ADAMTS16: variants seen among roughly 807,000 people sequenced by gnomAD.
ADAMTS16 encodes the protein ADAM metallopeptidase with thrombospondin type 1 motif 16, also known as A disintegrin and metalloproteinase with thrombospondin motifs 16.
A neutral mutation model predicts 145.8 loss-of-function variants in ADAMTS16; 94 were observed. The observed-to-expected ratio is 0.64, with a 90% CI of 0.55 to 0.77. The LOEUF is 0.77. ADAMTS16 is among the 30% of genes least tolerant of loss of function. The pLI, the probability that ADAMTS16 is intolerant of heterozygous loss-of-function variation, is 0.00. For missense variants in ADAMTS16, 1,585 were observed against 1,591.5 expected, an observed-to-expected ratio of 1.00 and a Z score of 0.07; for synonymous variants, 659 against 604.3, an observed-to-expected ratio of 1.09 and a Z score of -1.33.
At chr5:5,282,606 C>G (rs1429804071) in intron 18 of ADAMTS16, among the ~76,000 whole-genome samples, 1 of 152,190 alleles carries the variant, frequency 6.6e-6, no homozygotes, top group African/African-American at 2.4e-5. Flanking sequence ...AGCTTACTCC[C>G]CAACAGGGAA....
intron 18 of ADAMTS16, among the ~76,000 whole-genome samples, chr5:5,263,530 A>T (rs1738112551): frequency 6.6e-6 from 1 of 152,188 alleles, no homozygotes; most frequent in Non-Finnish European, 1.5e-5. Flanking sequence ...TGGCCTCCTG[A>T]ACTCAGCCCC....
intron 3 of ADAMTS16, among the ~76,000 whole-genome samples, chr5:5,154,447 T>C (rs1396665880): frequency 6.6e-6 from 1 of 152,242 alleles, no homozygotes; most frequent in Non-Finnish European, 1.5e-5. Flanking sequence ...TTTCATTAGA[T>C]CAAATAATAT....
At chr5:5,209,318 G>C in intron 10 of ADAMTS16, 72 bp downstream of exon 10, 3 of 1,551,102 alleles carry the variant, frequency 1.9e-6, no homozygotes, top group Non-Finnish European at 2.6e-6. Context: ...AACTGATGTT[G>C]ATATATTCTG....
In ADAMTS16 at chr5:5,186,139, C is replaced by T; in HGVS notation, c.851C>T (p.Ser284Phe). ...CGGCATAAGCGCTCTCTTCTGAGGT[C>T]CCATAGAAATGAAGAACTGAACGTG... ...CLRHKRSLLRSHRNEELNVET... is the reference protein window; with the variant it reads ...CLRHKRSLLRFHRNEELNVET... Residue 284 changes from serine to phenylalanine, a missense_variant, in exon 5 of 23, where the codon TCC becomes TTC. By Grantham distance (155) the Ser-to-Phe change is radical. Around this residue, in one of 3 missense-constraint regions of ADAMTS16, gnomAD observed 453 missense variants for 412.1 expected, o/e 1.10. Coordinates refer to ENST00000274181, the MANE Select transcript of ADAMTS16 (RefSeq NM_139056.4). 1 of 1,614,048 alleles carries T rather than the reference C, an allele frequency of 6.2e-7. No homozygotes were observed. The highest frequency in any genetic ancestry group is 8.5e-7 in the Non-Finnish European group (1 of 1,180,024).
In ADAMTS16 at chr5:5,239,995, C is replaced by T; in HGVS notation, c.2523+70C>T. ...TTCTGGTGTCTGTGTAAGTTAATGG[C>T]TGTTGGCATAATTTTAAGAAGAATG... is the stretch of plus-strand genomic sequence containing the variant. On this transcript the variant is annotated intron_variant, in intron 16 of 22. Coordinates refer to ENST00000274181, the MANE Select transcript of ADAMTS16 (RefSeq NM_139056.4). 2.6e-6 allele frequency: 4 copies of T among 1,564,484 alleles called. No homozygotes were observed. The South Asian group carries it at 3.6e-5, about 14-fold the overall frequency.
At chr5:5,290,663 G>A (rs984719081) in intron 18 of ADAMTS16, among the ~76,000 whole-genome samples, 5 of 152,132 alleles carry the variant, frequency 3.3e-5, no homozygotes, top group African/African-American at 1.2e-4. Flanking sequence ...AGAAAAAAAA[G>A]GTGTTGCACA....
chr5:5,315,370 T>G (rs933143254), intron 21 of ADAMTS16, among the ~76,000 whole-genome samples: 1 of 151,902 alleles, frequency 6.6e-6, no homozygotes, highest in African/African-American at 2.4e-5. Flanking sequence ...TATCAGTGAT[T>G]AAAATCTGCT....
chr5:5,209,235 G>C lies in ADAMTS16; in HGVS notation c.1594G>C (p.Asp532His). The change falls in exon 10 of 23, where the codon GAC becomes CAC. Residue 532 changes from aspartate (D) to histidine (H), a missense_variant. Asp to His is a moderately conservative substitution (Grantham distance 81). Transcript: ENST00000274181. ...AGAGAAAGCCAAGCTCTGCATGCTG[G>C]ACTTTAAAAAGGCAAGTGATTATTG... ...FGEKAKLCML[D>H]FKKDICKALW... The C allele has an allele frequency of 6.2e-7, 1 of 1,613,508 alleles. No homozygotes were observed.
At chr5:5,232,253 T>TA in intron 11 of ADAMTS16, 115 bp from the exon 12 acceptor site, 1 of 1,209,274 alleles carries the variant, frequency 8.3e-7, no homozygotes, top group Non-Finnish European at 1.2e-6. Flanking sequence ...AGGGGGAGGC[T>TA]AATGTCTGCA....
chr5:5,254,495 A>G (rs1011712315), intron 17 of ADAMTS16, among the ~76,000 whole-genome samples: 71 of 152,306 alleles, frequency 4.7e-4, no homozygotes, highest in African/African-American at 1.7e-3. Flanking sequence ...ATATTTATAT[A>G]TGTAGATACA....
chr5:5,261,595 T>C (rs914653699), intron 17 of ADAMTS16, among the ~76,000 whole-genome samples: 2 of 151,960 alleles, frequency 1.3e-5, no homozygotes, highest in African/African-American at 2.4e-5. Context: ...CCAGCGATTC[T>C]TCTGCCTCAG....
intron 18 of ADAMTS16, among the ~76,000 whole-genome samples, chr5:5,285,391 G>A (rs1189353738): frequency 6.6e-6 from 1 of 152,198 alleles, no homozygotes; most frequent in African/African-American, 2.4e-5. Context: ...TGCGCCTTTA[G>A]TCTACCTCTG....
Position 5,303,302 on chromosome 5 carries a change from A to G in ADAMTS16, c.2824A>G (p.Thr942Ala). The G allele has an allele frequency of 6.3e-7, 1 of 1,594,866 alleles. No homozygotes were observed. Among genetic ancestry groups the G allele is most frequent in the Non-Finnish European group, 8.6e-7 (1 of 1,168,794 alleles). ...SVGNWSACSR[T>A]CGGGAQSRPV... is the part of the protein sequence containing the mutation. ...GGGGAACTGGAGTGCCTGCAGTCGG[A>G]CGTGTGGCGGGGGTGCCCAGAGCCG... Residue 942 changes from threonine to alanine, a missense_variant, in exon 19 of 23, where the codon ACG (threonine) becomes GCG (alanine). Physicochemically the swap from Thr to Ala is moderately conservative, Grantham distance 58. Transcript: ENST00000274181.
intron 3 of ADAMTS16, among the ~76,000 whole-genome samples, chr5:5,152,865 T>TG (rs1734511425): frequency 6.6e-6 from 1 of 152,260 alleles, no homozygotes; most frequent in African/African-American, 2.4e-5. Context: ...GTTCTTTCAC[T>TG]GGGGTGAAAT....
At chr5:5,287,367 C>T (rs922356768) in intron 18 of ADAMTS16, among the ~76,000 whole-genome samples, 6 of 152,192 alleles carry the variant, frequency 3.9e-5, no homozygotes, top group Non-Finnish European at 8.8e-5. Context: ...AATTCAAATC[C>T]TATGTGGAAA....
Position 5,319,062 on chromosome 5 carries a change from T to A in ADAMTS16, c.3599T>A (p.Val1200Glu). 6.2e-7 allele frequency: 1 copy of A among 1,613,520 alleles called. No homozygotes were observed. The highest frequency in any genetic ancestry group is 8.5e-7 in the Non-Finnish European group (1 of 1,179,820). The change falls in exon 23 of 23, where the codon GTA becomes GAA. Residue 1200 changes from valine (V) to glutamate (E), a missense_variant. This residue lies in a region of ADAMTS16 where 834 missense variants were observed against 811.7 expected (regional missense o/e 1.03). Transcript: ENST00000274181. ...GACTACTTCCACTGGTGCTACCTGG[T>A]ACCCCAGCACGGGATGTGCAGCCAC... is the stretch of plus-strand genomic sequence containing the variant. ...CKDYFHWCYL[V>E]PQHGMCSHKF...
chr5:5,306,431 T>C lies in ADAMTS16; in HGVS notation c.3187-73T>C. The C allele has an allele frequency of 2.3e-6, 3 of 1,320,946 alleles. No individual in the cohort carries two copies. The South Asian group carries it at 4.0e-5, about 18-fold the overall frequency. 81.8% of individuals were successfully genotyped at this position (1,320,946 alleles called of 1,614,324 possible). ...ATATAAATGTTCAAGCAGATATCTC[T>C]GATATTTTAACCCACAGATTTTGCA... On this transcript the variant is annotated intron_variant, in intron 20 of 22. Transcript: ENST00000274181.
At chr5:5,175,424 G>C (rs1735165354) in intron 3 of ADAMTS16, among the ~76,000 whole-genome samples, 1 of 152,174 alleles carries the variant, frequency 6.6e-6, no homozygotes, top group African/African-American at 2.4e-5. Context: ...CTCTCCTCAA[G>C]TAGAGAGGAG....
rs1734122686 is a variant in ADAMTS16, at chr5:5,140,474, C to G, written c.7C>G (p.Pro3Ala). 5.9e-6 allele frequency: 9 copies of G among 1,513,234 alleles called. No individual in the cohort carries two copies. Among genetic ancestry groups the G allele is most frequent in the Non-Finnish European group, 7.0e-6 (8 of 1,140,008 alleles). 93.7% of individuals were successfully genotyped at this position (1,513,234 alleles called of 1,614,324 possible). A position where few individuals can be genotyped will look rare whatever the true frequency, so the allele number is the denominator to read the frequency against. Residue 3 changes from proline (P) to alanine (A), a missense_variant, in exon 1 of 23, where the codon CCC becomes GCC. By Grantham distance (27) the Pro-to-Ala change is conservative (BLOSUM62 -1). Coordinates refer to ENST00000274181, the MANE Select transcript of ADAMTS16 (RefSeq NM_139056.4). The part of the protein sequence containing the change: MK[P>A]RARGWRGLAA... ...CCCCTCGGAGCGCTCCTGGATGAAG[C>G]CCCGCGCGCGCGGATGGCGGGGCTT...
Sources: gnomAD v4.1 joint callset for allele counts (sites outside exome capture counted in the v4.1 genomes callset) on GRCh38, gnomAD v4.1.1 for gene constraint, gnomAD v4.1.1 regional missense constraint, MANE v1.5 for transcripts, NCBI Gene and HGNC (gene_info 2026-07-23, HGNC 2026-07-21) for gene names.